The following LYPD6B variants were observed in gnomAD, a reference collection of about 807,000 sequenced individuals.
LYPD6B encodes the protein ly6/PLAUR domain-containing protein 6B.
In LYPD6B, 17 loss-of-function variants were observed where a neutral mutation model predicts 22.8. That is an observed-to-expected ratio of 0.75 (90% CI 0.51 to 1.12). The LOEUF is 1.12. Among genes scored for constraint, LYPD6B ranks in the 50% most tolerant of loss-of-function variants. The probability of loss-of-function intolerance (pLI) is 0.00; values close to 1 mark genes in which losing one functional copy is unlikely to be tolerated. For missense variants in LYPD6B, 221 were observed against 258.3 expected (o/e 0.86, Z 0.99); for synonymous variants, 106 against 91.6 (o/e 1.16, Z -0.90).
At chr2:149,213,800 T>G (rs749788385) in intron 6 of LYPD6B, among the ~76,000 whole-genome samples, 13 of 152,150 alleles carry the variant, frequency 8.5e-5, no homozygotes, top group Non-Finnish European at 1.6e-4. Context: ...CCAGTTGAAA[T>G]GGAACCTCAG....
chr2:149,061,601 C>T, intron 1 of LYPD6B, among the ~76,000 whole-genome samples: 1 of 152,078 alleles, frequency 6.6e-6, no homozygotes. Flanking sequence ...CCTCTCAGTT[C>T]TCCTGGATTC....
At chr2:149,141,330 A>AG (rs928940099) in intron 2 of LYPD6B, among the ~76,000 whole-genome samples, 5 of 152,152 alleles carry the variant, frequency 3.3e-5, no homozygotes, top group African/African-American at 1.2e-4. Flanking sequence ...CGTGGAGTAC[A>AG]GGGGGGAGAG....
chr2:149,213,542 G>A (rs1694006420), intron 6 of LYPD6B, among the ~76,000 whole-genome samples: 1 of 152,190 alleles, frequency 6.6e-6, no homozygotes, highest in South Asian at 2.1e-4. Flanking sequence ...TGGCTTTAAC[G>A]TTCTCATTCT....
chr2:149,212,929 T>C, intron 5 of LYPD6B, 63 bp from the exon 6 acceptor site: 1 of 1,531,748 alleles, frequency 6.5e-7, no homozygotes, highest in Non-Finnish European at 8.9e-7. Context: ...GAGATCTCTT[T>C]TGTAATATGG....
chr2:149,166,816 G>T (rs1441927617), intron 3 of LYPD6B, among the ~76,000 whole-genome samples: 2 of 152,034 alleles, frequency 1.3e-5, no homozygotes, highest in Non-Finnish European at 2.9e-5. Flanking sequence ...GACATGCATG[G>T]TCCCACCAGA....
At chr2:149,077,303 A>G (rs1276686056) in intron 1 of LYPD6B, among the ~76,000 whole-genome samples, 1 of 152,076 alleles carries the variant, frequency 6.6e-6, no homozygotes, top group African/African-American at 2.4e-5. Flanking sequence ...AGTGAAACTT[A>G]CTCGCTTTCC....
intron 3 of LYPD6B, among the ~76,000 whole-genome samples, chr2:149,171,009 G>A (rs1690776922): frequency 6.6e-6 from 1 of 152,176 alleles, no homozygotes. Flanking sequence ...GAAATAATTA[G>A]TAGCTGTGAA....
At chr2:149,189,737 C>T (rs549051311) in intron 3 of LYPD6B, among the ~76,000 whole-genome samples, 45 of 152,090 alleles carry the variant, frequency 3.0e-4, no homozygotes, top group Admixed American at 1.2e-3. Context: ...TTTATTTAGA[C>T]AACTGTGAAT....
intron 1 of LYPD6B, among the ~76,000 whole-genome samples, chr2:149,066,863 G>A (rs184283741): frequency 9.5e-4 from 145 of 151,934 alleles, no homozygotes; most frequent in African/African-American, 3.3e-3. Flanking sequence ...TGTTACATGG[G>A]TATACTGTAT....
chr2:149,040,088 G>C (rs1683003589), intron 1 of LYPD6B, among the ~76,000 whole-genome samples: 1 of 152,068 alleles, frequency 6.6e-6, no homozygotes. Context: ...TTCTTAGTAT[G>C]GACGATAAAT....
At chr2:149,127,316 C>T (rs57269868) in intron 1 of LYPD6B, among the ~76,000 whole-genome samples, 45,101 of 152,018 alleles carry the variant, frequency 0.3, 6,980 homozygotes, top group African/African-American at 0.39. Context: ...TTAACAGTAT[C>T]GAGGGCTCAA....
At chr2:149,161,293 T>C (rs1232884249) in intron 3 of LYPD6B, among the ~76,000 whole-genome samples, 1 of 152,226 alleles carries the variant, frequency 6.6e-6, no homozygotes, top group Non-Finnish European at 1.5e-5. Context: ...AATCTTTGCA[T>C]GTTAAGCCTT....
chr2:149,130,382 A>G lies in LYPD6B; in HGVS notation c.-66-501A>G, dbSNP rs574084925. ...GCTTGGGTCCTATAGCCATATCATA[A>G]TGAGTCTTTATTTAGGCACACATCC... On this transcript the variant is annotated intron_variant, in intron 1 of 6. Transcript: ENST00000409642. Among the ~76,000 whole-genome samples, 10 of 152,338 alleles carry G rather than the reference A, an allele frequency of 6.6e-5. No homozygotes were observed. In the East Asian group the frequency reaches 9.6e-4, roughly 15 times the overall value.
intron 2 of LYPD6B, among the ~76,000 whole-genome samples, chr2:149,147,037 C>T (rs1689069069): frequency 6.6e-6 from 1 of 152,144 alleles, no homozygotes; most frequent in African/African-American, 2.4e-5. Flanking sequence ...AAGGGCTCCT[C>T]CCACACAGTC....
chr2:149,085,523 G>A (rs1376636960), intron 1 of LYPD6B, among the ~76,000 whole-genome samples: 1 of 152,188 alleles, frequency 6.6e-6, no homozygotes, highest in Admixed American at 6.5e-5. Flanking sequence ...TGCCTTTGAG[G>A]AAGTTGAGTT....
At chr2:149,068,753 A>G in intron 1 of LYPD6B, 1 of 519,292 alleles carries the variant, frequency 1.9e-6, no homozygotes, top group Non-Finnish European at 3.9e-6. Context: ...TTCAAGGGAT[A>G]TCATGTTAGA....
intron 2 of LYPD6B, chr2:149,154,119 TC>T (rs1174655944): frequency 2.0e-5 from 13 of 643,184 alleles, no homozygotes; most frequent in Admixed American, 1.6e-4. Flanking sequence ...ATTTCCCCCA[TC>T]CCCCCACCCC....
chr2:149,214,682 C>T lies in LYPD6B; in HGVS notation c.596C>T (p.Ala199Val). The change falls in exon 7 of 7, where the codon GCC becomes GTC. Residue 199 changes from alanine (A) to valine (V), a missense_variant. By Grantham distance (64) the Ala-to-Val change is moderately conservative. Coordinates refer to ENST00000409642, the MANE Select transcript of LYPD6B (RefSeq NM_177964.5). Reference sequence around the variant, plus strand: ...CCCACACTCTACCTACCAGTGCTTGCCTGGGTCTTTGTGCTTCCATTGCTG... The same window carrying T: ...CCCACACTCTACCTACCAGTGCTTGTCTGGGTCTTTGTGCTTCCATTGCTG... ...SAPTLYLPVL[A>V]WVFVLPLL 1.2e-6 allele frequency: 2 copies of T among 1,614,022 alleles called. No homozygotes were observed. The highest frequency in any genetic ancestry group is 1.7e-6 in the Non-Finnish European group (2 of 1,179,876).
chr2:149,178,983 A>G (rs1014957506), intron 3 of LYPD6B, among the ~76,000 whole-genome samples: 4 of 152,178 alleles, frequency 2.6e-5, no homozygotes, highest in Admixed American at 1.3e-4. Context: ...GAGATTACTT[A>G]TTTTTCCTTC....
Sources: allele counts gnomAD v4.1 joint callset (sites outside exome capture counted in the v4.1 genomes callset), GRCh38; gene constraint gnomAD v4.1.1; transcripts MANE v1.5; gene names NCBI Gene and HGNC (gene_info 2026-07-23, HGNC 2026-07-21).